The following NRG3 variants were observed in gnomAD, a reference collection of about 807,000 sequenced individuals.
The protein encoded by NRG3 is neuregulin 3.
A neutral mutation model predicts 66.9 loss-of-function variants in NRG3; 31 were observed. The ratio of observed to expected loss-of-function variants is 0.46; its 90% CI spans 0.35 to 0.63. NRG3 has a LOEUF of 0.63. Ranked by LOEUF, NRG3 falls within the 20% of genes least tolerant of loss-of-function variation. NRG3 has a pLI of 0.00. For synonymous variants in NRG3, 393 were observed against 359.4 expected (o/e 1.09, Z -1.06); for missense variants, 910 against 878.9 (o/e 1.04, Z -0.45).
intron 1 of NRG3, among the ~76,000 whole-genome samples, chr10:82,208,470 T>C (rs1024425091): frequency 2.6e-5 from 4 of 152,154 alleles, no homozygotes; most frequent in African/African-American, 9.7e-5. Flanking sequence ...ACTATGCCAT[T>C]CCCATAACCA....
chr10:82,871,081 T>A (rs984669479), intron 4 of NRG3, among the ~76,000 whole-genome samples: 6 of 152,212 alleles, frequency 3.9e-5, no homozygotes, highest in African/African-American at 1.4e-4. Flanking sequence ...TGGTTTATTT[T>A]GAGTTAATTT....
At chr10:82,919,062 AGTGTGTGTGTGTGTGTGT>A (rs71471761) in intron 4 of NRG3, among the ~76,000 whole-genome samples, 3 of 141,752 alleles carry the variant, frequency 2.1e-5, no homozygotes, top group Non-Finnish European at 4.6e-5. Context: ...ATAGGGGTGG[AGTGTGTGTGTGTGTGTGT>A]GTGTGTGTGT....
intron 2 of NRG3, among the ~76,000 whole-genome samples, chr10:82,471,913 G>C (rs1170405448): frequency 6.6e-6 from 1 of 151,390 alleles, no homozygotes; most frequent in Non-Finnish European, 1.5e-5. Context: ...ATCAAGGTTT[G>C]TATATTTCTT....
chr10:82,358,529 A>C (rs1164169370), intron 1 of NRG3, among the ~76,000 whole-genome samples: 2 of 152,146 alleles, frequency 1.3e-5, no homozygotes, highest in Admixed American at 6.5e-5. Context: ...CCAATAGATA[A>C]AATTTAGTGG....
At chr10:82,062,627 A>G (rs2064224338) in intron 1 of NRG3, among the ~76,000 whole-genome samples, 1 of 151,950 alleles carries the variant, frequency 6.6e-6, no homozygotes, top group Non-Finnish European at 1.5e-5. Flanking sequence ...AAAAGAAAAA[A>G]AATAAGAATT....
intron 3 of NRG3, among the ~76,000 whole-genome samples, chr10:82,750,590 A>G (rs921473389): frequency 7.9e-5 from 12 of 151,952 alleles, no homozygotes; most frequent in African/African-American, 1.2e-4. Flanking sequence ...CTGAGTGCCA[A>G]ATTTCATGCT....
At chr10:82,976,379 T>C (rs1389952454) in intron 7 of NRG3, among the ~76,000 whole-genome samples, 1 of 152,086 alleles carries the variant, frequency 6.6e-6, no homozygotes, top group Admixed American at 6.6e-5. Context: ...AAAGCATGTA[T>C]GTAGGTTTTT....
intron 1 of NRG3, among the ~76,000 whole-genome samples, chr10:82,165,692 G>A (rs567830827): frequency 2.6e-5 from 4 of 151,686 alleles, no homozygotes; most frequent in African/African-American, 7.2e-5. Context: ...GCATTTGTGA[G>A]TTTCTTTTTT....
chr10:82,190,874 A>G (rs1378202303), intron 1 of NRG3, among the ~76,000 whole-genome samples: 1 of 152,102 alleles, frequency 6.6e-6, no homozygotes, highest in Non-Finnish European at 1.5e-5. Flanking sequence ...TTTTCCCCTC[A>G]TGCACACATG....
chr10:82,349,832 G>A (rs1227232173), intron 1 of NRG3, among the ~76,000 whole-genome samples: 1 of 152,192 alleles, frequency 6.6e-6, no homozygotes, highest in Non-Finnish European at 1.5e-5. Flanking sequence ...GATTTTCCAG[G>A]TGTGTCTGTC....
At chr10:82,963,002 CAGA>C (rs908306402) in intron 6 of NRG3, among the ~76,000 whole-genome samples, 3 of 152,136 alleles carry the variant, frequency 2.0e-5, no homozygotes, top group African/African-American at 7.2e-5. Flanking sequence ...AGAATACAAA[CAGA>C]AGAAGTGGTT....
intron 4 of NRG3, among the ~76,000 whole-genome samples, chr10:82,919,423 A>G (rs555749138): frequency 1.3e-5 from 2 of 152,292 alleles, no homozygotes; most frequent in East Asian, 3.9e-4. Flanking sequence ...ATAAGCAACC[A>G]GCGATTATAG....
intron 1 of NRG3, among the ~76,000 whole-genome samples, chr10:82,159,039 G>T (rs1430073317): frequency 2.0e-5 from 3 of 151,678 alleles, no homozygotes; most frequent in African/African-American, 7.2e-5. Context: ...TTTTTAGTAG[G>T]CTTCAAATTC....
chr10:82,250,739 G>A (rs943215271), intron 1 of NRG3, among the ~76,000 whole-genome samples: 1 of 152,160 alleles, frequency 6.6e-6, no homozygotes, highest in Non-Finnish European at 1.5e-5. Flanking sequence ...ACATAGCAGT[G>A]ATCATTTAAT....
intron 3 of NRG3, among the ~76,000 whole-genome samples, chr10:82,748,365 G>A (rs991104045): frequency 9.3e-5 from 14 of 150,920 alleles, no homozygotes; most frequent in Non-Finnish European, 1.8e-4. Context: ...ATCTAAACTA[G>A]GATATTTGGA....
intron 1 of NRG3, among the ~76,000 whole-genome samples, chr10:82,351,769 T>G (rs775154555): frequency 6.6e-6 from 1 of 152,216 alleles, no homozygotes; most frequent in Non-Finnish European, 1.5e-5. Context: ...ACCTACTTCA[T>G]GATCTTTTAT....
chr10:82,222,964 A>G (rs948882439), intron 1 of NRG3, among the ~76,000 whole-genome samples: 2 of 152,144 alleles, frequency 1.3e-5, no homozygotes, highest in African/African-American at 2.4e-5. Flanking sequence ...TTGCATTTGT[A>G]TGGAAGTCAT....
chr10:81,883,669 C>T (rs570125018), intron 1 of NRG3, among the ~76,000 whole-genome samples: 4 of 152,106 alleles, frequency 2.6e-5, no homozygotes, highest in African/African-American at 4.8e-5. Flanking sequence ...TTATGCTAAA[C>T]GTTTGATAAG....
chr10:82,024,312 T>C (rs2062195716), intron 1 of NRG3, among the ~76,000 whole-genome samples: 4 of 151,920 alleles, frequency 2.6e-5, no homozygotes, highest in Non-Finnish European at 1.5e-5. Context: ...TTGTTGATCT[T>C]TTGTTATTTT....
Sources: gnomAD v4.1 joint callset for allele counts (sites outside exome capture counted in the v4.1 genomes callset) on GRCh38, gnomAD v4.1.1 for gene constraint, MANE v1.5 for transcripts, NCBI Gene and HGNC (gene_info 2026-07-23, HGNC 2026-07-21) for gene names.